The following KCNK2 variants were observed in gnomAD, a reference collection of about 807,000 sequenced individuals.
KCNK2 encodes potassium channel subfamily K member 2.
A neutral mutation model predicts 40.5 loss-of-function variants in KCNK2; 21 were observed. The ratio of observed to expected loss-of-function variants is 0.52; its 90% confidence interval spans 0.37 to 0.75. The LOEUF is 0.75. Ranked by LOEUF, KCNK2 falls within the 30% of genes least tolerant of loss-of-function variation. The pLI, the probability that KCNK2 is intolerant of heterozygous loss-of-function variation, is 0.00. For synonymous variants in KCNK2, 191 were observed against 202.2 expected (o/e 0.94, Z 0.47); for missense variants, 399 against 531.6 (o/e 0.75, Z 2.45).
intron 6 of KCNK2, among the ~76,000 whole-genome samples, chr1:215,224,665 G>A (rs1042755755): frequency 6.6e-6 from 1 of 152,016 alleles, no homozygotes; most frequent in African/African-American, 2.4e-5. Flanking sequence ...AGGGAGCCAA[G>A]GAAACTTACA....
At chr1:215,099,107 T>C (rs1453622237) in intron 2 of KCNK2, among the ~76,000 whole-genome samples, 2 of 151,980 alleles carry the variant, frequency 1.3e-5, no homozygotes, top group Non-Finnish European at 2.9e-5. Context: ...GATTATTTTA[T>C]CGCTCAGGTA....
At chr1:215,046,137 T>C (rs1657759434) in intron 1 of KCNK2, among the ~76,000 whole-genome samples, 1 of 152,146 alleles carries the variant, frequency 6.6e-6, no homozygotes, top group Non-Finnish European at 1.5e-5. Context: ...TTCTAGGTCA[T>C]TGCCAGGAAA....
chr1:215,095,781 A>C (rs918045386), intron 2 of KCNK2, among the ~76,000 whole-genome samples: 2 of 152,114 alleles, frequency 1.3e-5, no homozygotes, highest in Non-Finnish European at 2.9e-5. Context: ...ACACTGCTTT[A>C]GTCGTCTGTG....
intron 5 of KCNK2, among the ~76,000 whole-genome samples, chr1:215,179,850 G>A (rs1342141603): frequency 6.6e-6 from 1 of 152,114 alleles, no homozygotes; most frequent in African/African-American, 2.4e-5. Flanking sequence ...TTGATGGATG[G>A]AGTATTCTGT....
At chr1:215,152,893 C>A (rs936512319) in intron 3 of KCNK2, among the ~76,000 whole-genome samples, 9 of 152,108 alleles carry the variant, frequency 5.9e-5, no homozygotes, top group Non-Finnish European at 1.3e-4. Context: ...TATACCAACG[C>A]AATTTTAATT....
chr1:215,143,899 C>T (rs1212348767), intron 3 of KCNK2, among the ~76,000 whole-genome samples: 2 of 152,144 alleles, frequency 1.3e-5, no homozygotes. Flanking sequence ...CTTTGGAAAA[C>T]ACTTTCTACA....
intron 5 of KCNK2, among the ~76,000 whole-genome samples, chr1:215,178,894 T>C (rs1664103889): frequency 6.6e-6 from 1 of 152,148 alleles, no homozygotes; most frequent in Non-Finnish European, 1.5e-5. Flanking sequence ...TCCTCTTCAA[T>C]TTTTTGGAAA....
rs144510912 is a variant in KCNK2, at chr1:215,028,607, AAC to A, written c.34+22654_34+22655del. Among the ~76,000 whole-genome samples the A allele has an allele frequency of 7.7e-3, 1,173 of 152,268 alleles. 16 individuals carry two copies. Among genetic ancestry groups the A allele is most frequent in the African/African-American group, 0.026 (1,101 of 41,564 alleles). The stretch of plus-strand genomic sequence containing the variant: ...TTACTTTTAGTTCTTCTTCTTTAAT[AAC>A]AGACATTTAAAAGCTATGCATATTT... On this transcript the variant is annotated intron_variant, in intron 1 of 6. Transcript: ENST00000391895.
intron 3 of KCNK2, among the ~76,000 whole-genome samples, chr1:215,149,906 A>G (rs1057333527): frequency 2.0e-5 from 3 of 152,234 alleles, no homozygotes; most frequent in African/African-American, 7.2e-5. Context: ...TAGAATGAAG[A>G]GAGGGCTACC....
intron 1 of KCNK2, among the ~76,000 whole-genome samples, chr1:215,046,020 G>A (rs182242535): frequency 5.4e-4 from 82 of 152,286 alleles, no homozygotes; most frequent in Non-Finnish European, 7.4e-4. Flanking sequence ...AATCACACAC[G>A]TTAATTGTTC....
chr1:215,194,736 G>A (rs1023002948), intron 5 of KCNK2, among the ~76,000 whole-genome samples: 5 of 152,096 alleles, frequency 3.3e-5, no homozygotes, highest in African/African-American at 1.2e-4. Context: ...AGCAATGAAA[G>A]TTTTCATTAA....
chr1:215,199,625 A>G (rs1236670624), intron 6 of KCNK2, among the ~76,000 whole-genome samples: 1 of 152,214 alleles, frequency 6.6e-6, no homozygotes, highest in Admixed American at 6.5e-5. Context: ...GGGTAGGCAC[A>G]TGTTTAACAG....
At chr1:215,228,436 A>G (rs1558149163) in intron 6 of KCNK2, among the ~76,000 whole-genome samples, 1 of 152,170 alleles carries the variant, frequency 6.6e-6, no homozygotes, top group Non-Finnish European at 1.5e-5. Flanking sequence ...GTTTATATAT[A>G]GCACTCCATT....
chr1:215,076,127 A>C (rs1251241225), intron 1 of KCNK2, among the ~76,000 whole-genome samples: 2 of 152,206 alleles, frequency 1.3e-5, no homozygotes, highest in Non-Finnish European at 2.9e-5. Flanking sequence ...CCTTCTCATT[A>C]ACACATTCTA....
At chr1:215,224,953 A>G (rs936811218) in intron 6 of KCNK2, among the ~76,000 whole-genome samples, 1 of 152,140 alleles carries the variant, frequency 6.6e-6, no homozygotes, top group African/African-American at 2.4e-5. Context: ...GAGCAAATAA[A>G]TAGCACCTCA....
At chr1:215,183,799 CTGTT>C (rs1213677104) in intron 5 of KCNK2, among the ~76,000 whole-genome samples, 2 of 152,146 alleles carry the variant, frequency 1.3e-5, no homozygotes, top group Non-Finnish European at 2.9e-5. Flanking sequence ...TACTTTTTGG[CTGTT>C]TACTGTTCTT....
chr1:215,219,220 AT>A (rs1666076177), intron 6 of KCNK2, among the ~76,000 whole-genome samples: 1 of 152,198 alleles, frequency 6.6e-6, no homozygotes, highest in Non-Finnish European at 1.5e-5. Flanking sequence ...CTGAGATTGG[AT>A]AATTCATAAA....
intron 1 of KCNK2, among the ~76,000 whole-genome samples, chr1:215,066,974 A>G (rs1437028942): frequency 6.6e-6 from 1 of 152,224 alleles, no homozygotes; most frequent in Non-Finnish European, 1.5e-5. Flanking sequence ...GGTCACATAC[A>G]TACATCAGAA....
intron 2 of KCNK2, among the ~76,000 whole-genome samples, chr1:215,115,098 C>A (rs563858004): frequency 6.6e-6 from 1 of 151,936 alleles, no homozygotes; most frequent in Non-Finnish European, 1.5e-5. Flanking sequence ...TCAGTTCTCA[C>A]TATGATTCTG....
Sources: gnomAD v4.1 joint callset for allele counts (sites outside exome capture counted in the v4.1 genomes callset) on GRCh38, gnomAD v4.1.1 for gene constraint, MANE v1.5 for transcripts, NCBI Gene and HGNC (gene_info 2026-07-23, HGNC 2026-07-21) for gene names.